The following POLR1B variants were observed in gnomAD, a reference collection of about 807,000 sequenced individuals.
POLR1B encodes the protein RNA polymerase I subunit B, also known as DNA-directed RNA polymerase I subunit RPA2.
Under a neutral mutation model 105.8 loss-of-function variants are expected in POLR1B, and 30 were observed. The ratio of observed to expected loss-of-function variants is 0.28; its 90% CI spans 0.21 to 0.38. POLR1B has a LOEUF of 0.38. POLR1B is among the 10% of genes least tolerant of loss of function. The pLI is 1.00. For missense variants in POLR1B, 976 were observed against 1,435.8 expected, an observed-to-expected ratio of 0.68 and a Z score of 5.17; for synonymous variants, 485 against 505.1, an observed-to-expected ratio of 0.96 and a Z score of 0.53.
At chr2:112,542,109 G>A (rs1279109630), upstream of POLR1B, 1 of 1,535,682 alleles carries the variant, frequency 6.5e-7, no homozygotes, top group East Asian at 2.4e-5. Context: ...ACAGAAGAGA[G>A]CCTGAGAAGA....
intron 12 of POLR1B, among the ~76,000 whole-genome samples, chr2:112,570,050 CT>C (rs879626750): frequency 1.3e-3 from 191 of 142,160 alleles, no homozygotes; most frequent in Non-Finnish European, 1.5e-3. Flanking sequence ...CAGATTGGAT[CT>C]TTTTTTTTTT....
intron 4 of POLR1B, 120 bp from the exon 5 acceptor site, chr2:112,550,746 G>T: frequency 9.5e-7 from 1 of 1,047,752 alleles, no homozygotes; most frequent in African/African-American, 1.6e-5. Flanking sequence ...GCCAGTCTTG[G>T]CTAAACTTAG....
At chr2:112,542,121 C>T (rs1198085279), upstream of POLR1B, 2 of 1,535,662 alleles carry the variant, frequency 1.3e-6, no homozygotes, top group Admixed American at 2.0e-5. Context: ...CTGAGAAGAC[C>T]GCTCTCCTCC....
At chr2:112,548,045 C>G (rs779909893) in intron 3 of POLR1B, 5 of 152,094 alleles carry the variant, frequency 3.3e-5, no homozygotes, top group Admixed American at 3.3e-4. Flanking sequence ...AGTGAGACCC[C>G]GTCACTAAAA....
chr2:112,579,208 C>CAAAAAAAAAAAAAAAAA lies in POLR1B; in HGVS notation c.*3495_*3511dup, dbSNP rs56190123. Among the ~76,000 whole-genome samples, 4 of 58,692 alleles carry CAAAAAAAAAAAAAAAAA rather than the reference C, an allele frequency of 6.8e-5. No individual in the cohort carries two copies. The highest frequency in any genetic ancestry group is 1.1e-4 in the Non-Finnish European group (4 of 35,216). 38.5% of individuals were successfully genotyped at this position (58,692 alleles called of 152,430 possible). A position where few individuals can be genotyped will look rare whatever the true frequency, so the allele number is the denominator to read the frequency against. ...GGGCAACAGAGCAAGACTAGAGTCT[C>CAAAAAAAAAAAAAAAAA]AAAAAAAAAAAAAAAAAAAAAAAAA... On this transcript the variant is annotated 3_prime_UTR_variant, in exon 15 of 15. Coordinates refer to ENST00000263331, the MANE Select transcript of POLR1B (RefSeq NM_019014.6).
At position 112,575,718 on chromosome 2, in the gene POLR1B, G is replaced by T; in HGVS notation, c.3397G>T (p.Asp1133Tyr). ...AGCTATGAACATCAAAGTGAAACTG[G>T]ATGTTGTTTAACTTGATGTTGACCT... ...LAAMNIKVKLDVV is the reference protein window; with the variant it reads ...LAAMNIKVKLYVV Residue 1133 changes from aspartate (D) to tyrosine (Y), a missense_variant, in exon 15 of 15, where the codon GAT becomes TAT. This residue lies in a region of POLR1B where 77 missense variants were observed against 104.5 expected (regional missense o/e 0.74). Transcript: ENST00000263331. The surrounding 1 kb of genome is among the most constrained non-coding windows in gnomAD (Gnocchi z 5.3). The T allele has an allele frequency of 6.2e-7, 1 of 1,608,968 alleles. No individual in the cohort carries two copies.
At chr2:112,568,231 T>A in intron 11 of POLR1B, 94 bp downstream of exon 11, 1 of 1,259,428 alleles carries the variant, frequency 7.9e-7, no homozygotes, top group Non-Finnish European at 1.1e-6. Context: ...AAAGGGTTGT[T>A]AATGTTACAA....
chr2:112,566,170 G>C (rs1684263677), intron 10 of POLR1B, among the ~76,000 whole-genome samples: 1 of 152,188 alleles, frequency 6.6e-6, no homozygotes, highest in African/African-American at 2.4e-5. Context: ...GCTTCCTCAT[G>C]ATGAGATTCA....
chr2:112,575,595 C>T lies in POLR1B; in HGVS notation c.3274C>T (p.Arg1092Cys), dbSNP rs200995508. The T allele has an allele frequency of 1.9e-4, 311 of 1,613,988 alleles. 2 individuals are homozygous for T. The highest frequency in any genetic ancestry group is 2.4e-4 in the Non-Finnish European group (283 of 1,180,038). Residue 1092 changes from arginine to cysteine, a missense_variant, in exon 15 of 15, where the codon CGC becomes TGC. Arg to Cys is a radical substitution (Grantham distance 180, BLOSUM62 -3). This residue lies in a region of POLR1B where 77 missense variants were observed against 104.5 expected (regional missense o/e 0.74). Transcript: ENST00000263331. The surrounding 1 kb of genome is among the most constrained non-coding windows in gnomAD (Gnocchi z 5.3). Reference sequence around the variant, plus strand: ...GCCACCCCCTTCTTGGTCTGCCATGCGCAACAGAAAATACAACTGTACTCT... The same window carrying T: ...GCCACCCCCTTCTTGGTCTGCCATGTGCAACAGAAAATACAACTGTACTCT... ...EKPPPSWSAM[R>C]NRKYNCTLCS...
In POLR1B at chr2:112,577,368, C is replaced by A. The variant is rs1205278239; in HGVS notation, c.*1639C>A. Among the ~76,000 whole-genome samples, 1 of 152,114 alleles carries A rather than the reference C, an allele frequency of 6.6e-6. No homozygotes were observed. Among genetic ancestry groups the A allele is most frequent in the Non-Finnish European group, 1.5e-5 (1 of 68,028 alleles). On this transcript the variant is annotated 3_prime_UTR_variant, in exon 15 of 15. Coordinates refer to ENST00000263331, the MANE Select transcript of POLR1B (RefSeq NM_019014.6). ...TAGACTAGCCTGGGCGAGACTTCAT[C>A]TCTACAAAAAAAGCAACAACGACAA...
chr2:112,574,129 G>C (rs562438275), intron 14 of POLR1B, among the ~76,000 whole-genome samples: 16 of 152,282 alleles, frequency 1.1e-4, no homozygotes, highest in African/African-American at 3.9e-4. Context: ...ACAGGCCTGA[G>C]CCACCATCCC....
chr2:112,564,673 T>G (rs1321934793), intron 10 of POLR1B, among the ~76,000 whole-genome samples, 174 bp downstream of exon 10: 1 of 152,236 alleles, frequency 6.6e-6, no homozygotes, highest in East Asian at 1.9e-4. Flanking sequence ...TATACTGGCC[T>G]CATTGGTTGG....
In POLR1B at chr2:112,578,009, T is replaced by G. The variant is rs531440656; in HGVS notation, c.*2280T>G. ...CACACTTTCACACACTATTCCAGGT[T>G]CTGGCTACTGAATGATCCCACAGCT... On this transcript the variant is annotated 3_prime_UTR_variant, in exon 15 of 15. Transcript: ENST00000263331. Among the ~76,000 whole-genome samples, 1 of 152,300 alleles carries G rather than the reference T, an allele frequency of 6.6e-6. No homozygotes were observed. The highest frequency in any genetic ancestry group is 1.9e-4 in the East Asian group (1 of 5,190).
intron 6 of POLR1B, among the ~76,000 whole-genome samples, chr2:112,552,296 T>G (rs1339265726): frequency 6.6e-6 from 1 of 152,232 alleles, no homozygotes; most frequent in Non-Finnish European, 1.5e-5. Context: ...TTCATTCATT[T>G]ACATTTACTT....
At chr2:112,552,135 C>T (rs527786606) in intron 6 of POLR1B, 137 bp downstream of exon 6, 11 of 600,530 alleles carry the variant, frequency 1.8e-5, no homozygotes, top group Middle Eastern at 3.8e-4. Context: ...CCTTGCTAGC[C>T]GGGGGCTACC....
rs1684400765 is a variant in POLR1B at position 112,568,136 on chromosome 2, A to T, written c.1916A>T (p.Gln639Leu). 1 of 1,612,406 alleles carries T rather than the reference A, an allele frequency of 6.2e-7. No individual in the cohort carries two copies. Among genetic ancestry groups the T allele is most frequent in the African/African-American group, 1.3e-5 (1 of 74,898 alleles). ...GAAGAGCTAATTGGAACTATGGAACAGGTAAATACATATGTGTGATGGATG... is the reference window on the plus strand; with the variant it reads ...GAAGAGCTAATTGGAACTATGGAACTGGTAAATACATATGTGTGATGGATG... Reference protein sequence around the residue: ...GKEELIGTMEQIFMNVAIFED... With the variant: ...GKEELIGTMELIFMNVAIFED... The change falls in exon 11 of 15, where the codon CAG (glutamine) becomes CTG (leucine). Residue 639 changes from glutamine to leucine, a missense_variant and splice_region_variant. Around this residue, in one of 12 missense-constraint regions of POLR1B, gnomAD observed 184 missense variants for 197.4 expected, o/e 0.93. Coordinates refer to ENST00000263331, the MANE Select transcript of POLR1B (RefSeq NM_019014.6).
intron 9 of POLR1B, among the ~76,000 whole-genome samples, chr2:112,560,736 A>G (rs1683935426): frequency 6.6e-6 from 1 of 152,086 alleles, no homozygotes. Flanking sequence ...GACTCAAGAA[A>G]GTTCTGCTTA....
intron 6 of POLR1B, among the ~76,000 whole-genome samples, 166 bp from the exon 7 acceptor site, chr2:112,552,479 C>A (rs185556926): frequency 6.6e-6 from 1 of 152,322 alleles, no homozygotes; most frequent in Non-Finnish European, 1.5e-5. Context: ...AGCCACCAGT[C>A]ACATGATAAG....
Position 112,547,545 on chromosome 2 carries a change from T to C in POLR1B, c.470T>C (p.Ile157Thr), listed in dbSNP as rs549765385. 3.7e-6 allele frequency: 6 copies of C among 1,614,116 alleles called. No individual in the cohort carries two copies. Among genetic ancestry groups the C allele is most frequent in the East Asian group, 4.5e-5 (2 of 44,884 alleles). Residue 157 changes from isoleucine (I) to threonine (T), a missense_variant, in exon 3 of 15, where the codon ATT becomes ACT. By Grantham distance (89) the Ile-to-Thr change is moderately conservative. Coordinates refer to ENST00000263331, the MANE Select transcript of POLR1B (RefSeq NM_019014.6). The stretch of plus-strand genomic sequence containing the variant: ...CGTAACCTTCCCCCACAAGCCCTCA[T>C]TGAGCACCATGAGGAGGCAGAGGTA... ...NLRNLPPQAL[I>T]EHHEEAEEMG...
Sources: gnomAD v4.1 joint callset for allele counts (sites outside exome capture counted in the v4.1 genomes callset) on GRCh38, gnomAD v4.1.1 for gene constraint, gnomAD v4.1.1 regional missense constraint, Gnocchi (gnomAD v3.1) non-coding constraint, MANE v1.5 for transcripts, NCBI Gene and HGNC (gene_info 2026-07-23, HGNC 2026-07-21) for gene names.